CDH20: variants seen among roughly 807,000 people sequenced by gnomAD.
The protein encoded by CDH20 is cadherin 20.
In CDH20, 29 loss-of-function variants were observed where a neutral mutation model predicts 74.2. The observed-to-expected ratio is 0.39, with a 90% confidence interval of 0.29 to 0.53. The LOEUF (loss-of-function observed/expected upper bound fraction) is 0.53. Ranked by LOEUF, CDH20 falls within the 20% of genes least tolerant of loss-of-function variation. CDH20 has a pLI of 0.69. For synonymous variants in CDH20, 469 were observed against 405.4 expected (o/e 1.16, Z -1.88); for missense variants, 988 against 1,048.3 (o/e 0.94, Z 0.79).
At chr18:61,439,222 AAACCC>A (rs1908943364) in intron 1 of CDH20, among the ~76,000 whole-genome samples, 1 of 152,172 alleles carries the variant, frequency 6.6e-6, no homozygotes, top group Non-Finnish European at 1.5e-5. Context: ...TCCCTGTAAG[AAACCC>A]ATGCATGTAT....
intron 6 of CDH20, among the ~76,000 whole-genome samples, chr18:61,521,395 T>G (rs1321581173): frequency 6.6e-6 from 1 of 151,340 alleles, no homozygotes; most frequent in Non-Finnish European, 1.5e-5. Flanking sequence ...AATCCCTGAA[T>G]AGACCAATAA....
intron 10 of CDH20, among the ~76,000 whole-genome samples, chr18:61,549,216 A>AAC (rs1232998029): frequency 6.6e-6 from 1 of 152,242 alleles, no homozygotes; most frequent in Non-Finnish European, 1.5e-5. Context: ...TATAAATGTA[A>AAC]ACACACACAC....
chr18:61,362,022 A>G (rs1910709098), intron 1 of CDH20, among the ~76,000 whole-genome samples: 1 of 152,186 alleles, frequency 6.6e-6, no homozygotes, highest in Non-Finnish European at 1.5e-5. Context: ...GAAGAAATTC[A>G]TCTCCAGGGA....
intron 10 of CDH20, 71 bp from the exon 11 acceptor site, chr18:61,549,903 GCCCC>G (rs759743961): frequency 1.6e-5 from 24 of 1,488,042 alleles, no homozygotes; most frequent in Non-Finnish European, 2.1e-5. Context: ...CCCTGCCCCT[GCCCC>G]CTTGCTTTCC....
At chr18:61,464,055 T>C (rs1351520405) in intron 1 of CDH20, among the ~76,000 whole-genome samples, 4 of 152,134 alleles carry the variant, frequency 2.6e-5, no homozygotes, top group African/African-American at 9.7e-5. Context: ...TTAGTTACCT[T>C]CCCTATTAAA....
chr18:61,405,781 G>A (rs1469145442), intron 1 of CDH20, among the ~76,000 whole-genome samples: 1 of 152,172 alleles, frequency 6.6e-6, no homozygotes, highest in Non-Finnish European at 1.5e-5. Context: ...CTTCTAGGAT[G>A]AGGCCCAGCA....
chr18:61,502,886 G>T, intron 4 of CDH20, 67 bp from the exon 5 acceptor site: 1 of 1,379,008 alleles, frequency 7.3e-7, no homozygotes, highest in Non-Finnish European at 9.9e-7. Flanking sequence ...GAGACACCTA[G>T]AAACCAATCT....
chr18:61,486,530 G>A (rs1027110340), intron 1 of CDH20, among the ~76,000 whole-genome samples: 6 of 152,164 alleles, frequency 3.9e-5, no homozygotes, highest in Admixed American at 3.9e-4. Context: ...TTGATTGGGA[G>A]GTGGAATAGC....
chr18:61,541,192 A>G (rs537659403), intron 9 of CDH20, among the ~76,000 whole-genome samples: 59 of 152,270 alleles, frequency 3.9e-4, no homozygotes, highest in African/African-American at 1.4e-3. Flanking sequence ...TCGAGAGGGA[A>G]GATGCAAAAA....
intron 9 of CDH20, among the ~76,000 whole-genome samples, chr18:61,543,472 G>C (rs1438842078): frequency 6.6e-6 from 1 of 152,176 alleles, no homozygotes; most frequent in East Asian, 1.9e-4. Flanking sequence ...GCCAGCTCCT[G>C]TTCCAGTCGT....
At chr18:61,424,408 G>A (rs1396171931) in intron 1 of CDH20, among the ~76,000 whole-genome samples, 2 of 152,184 alleles carry the variant, frequency 1.3e-5, no homozygotes, top group Non-Finnish European at 2.9e-5. Flanking sequence ...AAACCAAAAT[G>A]TGTCTCTCTG....
At chr18:61,369,813 C>G (rs1054992799) in intron 1 of CDH20, among the ~76,000 whole-genome samples, 1 of 152,068 alleles carries the variant, frequency 6.6e-6, no homozygotes, top group Non-Finnish European at 1.5e-5. Flanking sequence ...AATGCAGGAA[C>G]AGAAAACCAA....
chr18:61,341,887 C>A (rs777472683), intron 1 of CDH20, among the ~76,000 whole-genome samples: 1 of 152,136 alleles, frequency 6.6e-6, no homozygotes, highest in Non-Finnish European at 1.5e-5. Flanking sequence ...TTGCGTCTAC[C>A]TTTATGCTTA....
At chr18:61,540,918 T>C (rs1913012530) in intron 9 of CDH20, among the ~76,000 whole-genome samples, 1 of 152,252 alleles carries the variant, frequency 6.6e-6, no homozygotes, top group African/African-American at 2.4e-5. Flanking sequence ...GATCTAAATT[T>C]ATCTAACAAT....
chr18:61,344,284 T>G (rs151021780), intron 1 of CDH20, among the ~76,000 whole-genome samples: 22 of 152,318 alleles, frequency 1.4e-4, no homozygotes, highest in African/African-American at 5.3e-4. Context: ...CTATTCCTGA[T>G]AATGCCATGA....
intron 6 of CDH20, among the ~76,000 whole-genome samples, chr18:61,526,722 A>C (rs1230208858): frequency 6.6e-6 from 1 of 152,238 alleles, no homozygotes; most frequent in Non-Finnish European, 1.5e-5. Context: ...GATAGGAATA[A>C]ATCAAAATAG....
At chr18:61,381,468 G>A (rs1449700184) in intron 1 of CDH20, among the ~76,000 whole-genome samples, 2 of 152,112 alleles carry the variant, frequency 1.3e-5, no homozygotes, top group African/African-American at 4.8e-5. Flanking sequence ...AAAGTTATGC[G>A]ACCTCAGGGT....
chr18:61,411,580 G>GTA (rs145701176), intron 1 of CDH20, among the ~76,000 whole-genome samples: 1 of 149,842 alleles, frequency 6.7e-6, no homozygotes, highest in African/African-American at 2.5e-5. Flanking sequence ...GTGTGTGTGT[G>GTA]TATATATATA....
In CDH20 at chr18:61,346,737, G is replaced by A. The variant is rs149940819; in HGVS notation, c.-153+12910G>A. 2.1e-3 allele frequency among the ~76,000 whole-genome samples: 319 copies of A among 152,294 alleles called. 1 individual carries two copies. The highest frequency in any genetic ancestry group is 7.3e-3 in the African/African-American group (302 of 41,574). ...GAAGAGGTCGGGATTGTGTGAAATT[G>A]TAAATGATCTGAAATAATTTACAGT... is the stretch of plus-strand genomic sequence containing the variant. On this transcript the variant is annotated intron_variant, in intron 1 of 11. Transcript: ENST00000262717.
Sources: allele counts gnomAD v4.1 joint callset (sites outside exome capture counted in the v4.1 genomes callset), GRCh38; gene constraint gnomAD v4.1.1; transcripts MANE v1.5; gene names NCBI Gene and HGNC (gene_info 2026-07-23, HGNC 2026-07-21).